LRRTM4: variants seen among roughly 807,000 people sequenced by gnomAD.
The protein encoded by LRRTM4 is leucine-rich repeat transmembrane neuronal protein 4.
A neutral mutation model predicts 47.6 loss-of-function variants in LRRTM4; 25 were observed. The observed-to-expected ratio is 0.53, with a 90% CI of 0.38 to 0.73. LRRTM4 has a LOEUF of 0.73. Ranked by LOEUF, LRRTM4 falls within the 30% of genes least tolerant of loss-of-function variation. LRRTM4 has a pLI of 0.00. For missense variants in LRRTM4, 638 were observed against 713.4 expected (o/e 0.89, Z 1.20); for synonymous variants, 311 against 269.5 (o/e 1.15, Z -1.51).
At chr2:77,159,559 G>A (rs1187484023) in intron 3 of LRRTM4, among the ~76,000 whole-genome samples, 2 of 151,404 alleles carry the variant, frequency 1.3e-5, no homozygotes, top group Non-Finnish European at 2.9e-5. Context: ...AAATCATAAG[G>A]AAGAGAATAT....
chr2:77,252,332 G>C (rs893660539), intron 3 of LRRTM4, among the ~76,000 whole-genome samples: 1 of 152,112 alleles, frequency 6.6e-6, no homozygotes, highest in Non-Finnish European at 1.5e-5. Flanking sequence ...AGCCAGATTT[G>C]CTAGGCAAAG....
chr2:77,274,040 G>T (rs1558663498), intron 3 of LRRTM4, among the ~76,000 whole-genome samples: 1 of 151,782 alleles, frequency 6.6e-6, no homozygotes, highest in African/African-American at 2.4e-5. Context: ...GATTACCCTG[G>T]AATCCTTTAT....
intron 3 of LRRTM4, among the ~76,000 whole-genome samples, chr2:77,222,502 C>A (rs1306688718): frequency 6.6e-6 from 1 of 152,048 alleles, no homozygotes; most frequent in Non-Finnish European, 1.5e-5. Context: ...CAATTAGATG[C>A]AATAAAATAT....
chr2:77,291,794 T>A (rs538793349), intron 3 of LRRTM4, among the ~76,000 whole-genome samples: 1 of 152,152 alleles, frequency 6.6e-6, no homozygotes, highest in South Asian at 2.1e-4. Flanking sequence ...CTAAAACACA[T>A]CATGTCTAAA....
intron 3 of LRRTM4, among the ~76,000 whole-genome samples, chr2:76,807,471 C>CGTAT (rs1553412707): frequency 1.0e-5 from 1 of 97,482 alleles, no homozygotes; most frequent in South Asian, 3.2e-4. Context: ...TATATATATA[C>CGTAT]ATATATATAT....
intron 3 of LRRTM4, among the ~76,000 whole-genome samples, chr2:77,225,182 G>A (rs1291771672): frequency 2.3e-5 from 3 of 133,012 alleles, no homozygotes; most frequent in Non-Finnish European, 4.6e-5. Context: ...ATGGACACAG[G>A]AAGGGGAACA....
chr2:77,455,590 AC>A (rs1326560665), intron 3 of LRRTM4, among the ~76,000 whole-genome samples: 1 of 150,838 alleles, frequency 6.6e-6, no homozygotes, highest in Admixed American at 6.6e-5. Context: ...CTATTCTCAA[AC>A]CTCTTCTTTT....
chr2:77,101,643 T>G (rs1330394342), intron 3 of LRRTM4, among the ~76,000 whole-genome samples: 4 of 152,208 alleles, frequency 2.6e-5, no homozygotes, highest in Non-Finnish European at 4.4e-5. Context: ...ATTTATTTAT[T>G]TTTTAACTTT....
intron 3 of LRRTM4, among the ~76,000 whole-genome samples, chr2:77,282,143 A>G (rs10188161): frequency 0.17 from 25,311 of 151,786 alleles, 4,812 homozygotes; most frequent in African/African-American, 0.47. Context: ...TGTCCTTGTA[A>G]AGATCTTTCA....
intron 3 of LRRTM4, among the ~76,000 whole-genome samples, chr2:77,122,519 A>C (rs550054980): frequency 4.0e-5 from 6 of 150,376 alleles, no homozygotes; most frequent in African/African-American, 1.5e-4. Flanking sequence ...CATATATATA[A>C]TATATATACA....
intron 3 of LRRTM4, among the ~76,000 whole-genome samples, chr2:77,465,572 C>T (rs2103980944): frequency 6.6e-6 from 1 of 152,220 alleles, no homozygotes; most frequent in African/African-American, 2.4e-5. Context: ...GGTTGTTATT[C>T]TCCCTTGTGA....
At chr2:76,935,462 A>C (rs182364229) in intron 3 of LRRTM4, among the ~76,000 whole-genome samples, 24 of 152,290 alleles carry the variant, frequency 1.6e-4, no homozygotes, top group African/African-American at 4.6e-4. Flanking sequence ...TTTTCACGAT[A>C]CTGAGTCTTC....
intron 3 of LRRTM4, among the ~76,000 whole-genome samples, chr2:77,398,529 A>G (rs1673796393): frequency 6.6e-6 from 1 of 151,888 alleles, no homozygotes; most frequent in East Asian, 1.9e-4. Flanking sequence ...TTGAGTTTTG[A>G]TGATGAATTA....
At position 76,993,945 on chromosome 2, in the gene LRRTM4, AT is replaced by A. The variant is rs879885006; in HGVS notation, c.1552-245030del. On this transcript the variant is annotated intron_variant, in intron 3 of 3. Coordinates refer to ENST00000409884, the MANE Select transcript of LRRTM4 (RefSeq NM_001134745.3). ...CAGACATAACATAAAATGAAAACAT[AT>A]TTTTTTTCAGCAACATAGATGCAGC... is the stretch of plus-strand genomic sequence containing the variant. Among the ~76,000 whole-genome samples the A allele has an allele frequency of 1.8e-3, 272 of 151,780 alleles. 1 individual carries two copies. Among genetic ancestry groups the A allele is most frequent in the Admixed American group, 3.1e-3 (47 of 15,168 alleles).
At chr2:76,938,600 AC>A (rs1199231327) in intron 3 of LRRTM4, among the ~76,000 whole-genome samples, 3 of 150,624 alleles carry the variant, frequency 2.0e-5, no homozygotes, top group Non-Finnish European at 4.5e-5. Flanking sequence ...AAAATGAGAT[AC>A]TACATTTCAA....
chr2:77,219,856 T>C (rs555757271), intron 3 of LRRTM4, among the ~76,000 whole-genome samples: 3 of 151,798 alleles, frequency 2.0e-5, no homozygotes, highest in African/African-American at 7.3e-5. Flanking sequence ...TTGAAGAGAG[T>C]AATGGTTCTC....
At chr2:77,511,543 C>T (rs1361795462) in intron 3 of LRRTM4, among the ~76,000 whole-genome samples, 2 of 151,524 alleles carry the variant, frequency 1.3e-5, no homozygotes, top group East Asian at 3.9e-4. Context: ...AGCACATTTG[C>T]TAACTTATTT....
At chr2:77,355,867 C>G (rs1237439400) in intron 3 of LRRTM4, among the ~76,000 whole-genome samples, 1 of 152,102 alleles carries the variant, frequency 6.6e-6, no homozygotes, top group African/African-American at 2.4e-5. Flanking sequence ...CCAAGGTGGA[C>G]AGATTGCTTG....
At chr2:77,049,388 A>G (rs1218660539) in intron 3 of LRRTM4, among the ~76,000 whole-genome samples, 1 of 151,394 alleles carries the variant, frequency 6.6e-6, no homozygotes, top group Non-Finnish European at 1.5e-5. Flanking sequence ...GCTTTCTATA[A>G]TGGCTGTGCT....
Sources: gnomAD v4.1 joint callset for allele counts (sites outside exome capture counted in the v4.1 genomes callset) on GRCh38, gnomAD v4.1.1 for gene constraint, MANE v1.5 for transcripts, NCBI Gene and HGNC (gene_info 2026-07-23, HGNC 2026-07-21) for gene names.